Variants in GRM8 observed in about 807,000 individuals in gnomAD.
GRM8 encodes the protein metabotropic glutamate receptor 8.
Under a neutral mutation model 87.2 loss-of-function variants are expected in GRM8, and 47 were observed. That is an observed-to-expected ratio of 0.54 (90% confidence interval 0.43 to 0.69). The LOEUF (loss-of-function observed/expected upper bound fraction) is 0.69, where lower values mean the gene tolerates loss of function less well. Among genes scored for constraint, GRM8 ranks in the 30% least tolerant of loss-of-function variants. GRM8 has a pLI of 0.00. For synonymous variants in GRM8, 396 were observed against 404.5 expected (o/e 0.98, Z 0.25); for missense variants, 1,019 against 1,139.2 (o/e 0.89, Z 1.52).
At chr7:126,792,504 T>C (rs1371038773) in intron 6 of GRM8, among the ~76,000 whole-genome samples, 1 of 152,220 alleles carries the variant, frequency 6.6e-6, no homozygotes, top group Admixed American at 6.5e-5. Context: ...GAGGGCCCAC[T>C]GGCTTAAACT....
At chr7:126,877,020 T>A (rs566727764) in intron 6 of GRM8, among the ~76,000 whole-genome samples, 1 of 152,184 alleles carries the variant, frequency 6.6e-6, no homozygotes, top group East Asian at 1.9e-4. Flanking sequence ...TCACCTCTAC[T>A]ACTCAGGGCA....
intron 8 of GRM8, among the ~76,000 whole-genome samples, chr7:126,585,511 T>A (rs571487941): frequency 2.0e-4 from 31 of 152,142 alleles, no homozygotes; most frequent in East Asian, 1.4e-3. Context: ...ATTAGTTGCC[T>A]GAGTTTAAAA....
intron 7 of GRM8, among the ~76,000 whole-genome samples, chr7:126,721,696 A>G (rs1812408688): frequency 6.6e-6 from 1 of 152,050 alleles, no homozygotes; most frequent in South Asian, 2.1e-4. Context: ...GCTTTCATTT[A>G]ACAAATGTTA....
In GRM8 at chr7:126,985,877, G is replaced by A. The variant is rs979395306; in HGVS notation, c.728-81194C>T. ...TACTGGGGATTAAGTTTCAACATAA[G>A]TTTTGGAGGGGACATTTAAATCATA... On this transcript the variant is annotated intron_variant, in intron 3 of 10. Coordinates refer to ENST00000339582, the MANE Select transcript of GRM8 (RefSeq NM_000845.3). Among the ~76,000 whole-genome samples, 55 of 152,316 alleles carry A rather than the reference G, an allele frequency of 3.6e-4. 1 individual carries two copies. Among genetic ancestry groups the A allele is most frequent in the South Asian group, 4.1e-4 (2 of 4,828 alleles).
chr7:126,476,645 A>G (rs1190652543), intron 9 of GRM8, among the ~76,000 whole-genome samples: 2 of 152,110 alleles, frequency 1.3e-5, no homozygotes, highest in African/African-American at 4.8e-5. Context: ...ATGAAAAGAC[A>G]CTCAACAATA....
intron 3 of GRM8, among the ~76,000 whole-genome samples, chr7:126,920,572 G>A (rs1449093270): frequency 6.6e-6 from 1 of 152,126 alleles, no homozygotes; most frequent in Non-Finnish European, 1.5e-5. Context: ...CTGGAGTGGA[G>A]GTACCAGAGG....
chr7:126,568,825 A>G (rs1318157616), intron 8 of GRM8, among the ~76,000 whole-genome samples: 3 of 152,116 alleles, frequency 2.0e-5, no homozygotes, highest in Non-Finnish European at 4.4e-5. Flanking sequence ...CATTGTGACA[A>G]TTGTTTGTAG....
At chr7:126,838,165 T>G (rs1795965619) in intron 6 of GRM8, among the ~76,000 whole-genome samples, 1 of 152,216 alleles carries the variant, frequency 6.6e-6, no homozygotes, top group Non-Finnish European at 1.5e-5. Flanking sequence ...TATTTTTAGC[T>G]TATTCTAATT....
chr7:126,802,841 C>T (rs1822876262), intron 6 of GRM8, among the ~76,000 whole-genome samples: 2 of 152,132 alleles, frequency 1.3e-5, no homozygotes, highest in Admixed American at 6.5e-5. Flanking sequence ...GCACAAAGGT[C>T]AAAATGCACT....
intron 3 of GRM8, among the ~76,000 whole-genome samples, chr7:126,951,220 GC>G (rs1461227915): frequency 6.6e-6 from 1 of 152,090 alleles, no homozygotes; most frequent in East Asian, 1.9e-4. Flanking sequence ...ATACATAACT[GC>G]CCATTTGTAC....
intron 8 of GRM8, among the ~76,000 whole-genome samples, chr7:126,560,153 A>G (rs868204110): frequency 2.0e-5 from 3 of 152,212 alleles, no homozygotes; most frequent in African/African-American, 7.2e-5. Context: ...ACAGAATATT[A>G]AAATGTTGGG....
At chr7:127,049,286 T>A (rs1046805102) in intron 3 of GRM8, among the ~76,000 whole-genome samples, 1 of 152,160 alleles carries the variant, frequency 6.6e-6, no homozygotes, top group African/African-American at 2.4e-5. Flanking sequence ...TATGGAAGGA[T>A]TTACTAATGA....
chr7:126,523,038 A>G (rs940026538), intron 9 of GRM8, among the ~76,000 whole-genome samples: 6 of 152,254 alleles, frequency 3.9e-5, no homozygotes, highest in Non-Finnish European at 7.3e-5. Flanking sequence ...AATTGTGGCC[A>G]TTGAAAAGTA....
At chr7:126,851,638 G>T (rs538663942) in intron 6 of GRM8, among the ~76,000 whole-genome samples, 3 of 151,944 alleles carry the variant, frequency 2.0e-5, no homozygotes, top group African/African-American at 7.3e-5. Flanking sequence ...ACTGTTCAGG[G>T]CCTTTGCAAT....
intron 6 of GRM8, among the ~76,000 whole-genome samples, chr7:126,875,506 T>A (rs570535313): frequency 6.6e-6 from 1 of 152,284 alleles, no homozygotes; most frequent in East Asian, 1.9e-4. Context: ...ATTTAAGAAG[T>A]CACCATAGGT....
Position 126,941,669 on chromosome 7 carries a change from G to A in GRM8, c.728-36986C>T, listed in dbSNP as rs115208166. Among the ~76,000 whole-genome samples the A allele has an allele frequency of 1.0e-2, 1,514 of 151,402 alleles. 28 individuals are homozygous for A. The highest frequency in any genetic ancestry group is 0.034 in the African/African-American group (1,393 of 41,286). Reference sequence around the variant, plus strand: ...AAGTGTTTAATTAGCAGACAAGTTCGTGTCATTTTTTTAAATAGTTAACTT... The same window carrying A: ...AAGTGTTTAATTAGCAGACAAGTTCATGTCATTTTTTTAAATAGTTAACTT... On this transcript the variant is annotated intron_variant, in intron 3 of 10. Coordinates refer to ENST00000339582, the MANE Select transcript of GRM8 (RefSeq NM_000845.3).
rs190961440 is a variant in GRM8 at position 126,737,067 on chromosome 7, A to T, written c.1357+32798T>A. On this transcript the variant is annotated intron_variant, in intron 7 of 10. Coordinates refer to ENST00000339582, the MANE Select transcript of GRM8 (RefSeq NM_000845.3). The stretch of plus-strand genomic sequence containing the variant: ...AACCTCCTTCCTGCCTGGGGACTAG[A>T]CTGCCTTTGTAGGACTAACAAATTA... Among the ~76,000 whole-genome samples, 28 of 152,178 alleles carry T rather than the reference A, an allele frequency of 1.8e-4. 2 individuals are homozygous for T. The East Asian group carries it at 3.5e-3, about 19-fold the overall frequency.
intron 3 of GRM8, among the ~76,000 whole-genome samples, chr7:127,019,195 T>C (rs2132198052): frequency 6.6e-6 from 1 of 152,240 alleles, no homozygotes; most frequent in African/African-American, 2.4e-5. Context: ...TTACCTTATT[T>C]AGGATAAGGC....
chr7:126,775,496 T>TGTTTGTTTG (rs1563176418), intron 6 of GRM8, among the ~76,000 whole-genome samples: 1 of 149,866 alleles, frequency 6.7e-6, no homozygotes, highest in African/African-American at 2.5e-5. Context: ...TTTTTTTTTT[T>TGTTTGTTTG]TTTTTTTTTT....
Sources: gnomAD v4.1 joint callset for allele counts (sites outside exome capture counted in the v4.1 genomes callset) on GRCh38, gnomAD v4.1.1 for gene constraint, MANE v1.5 for transcripts, NCBI Gene and HGNC (gene_info 2026-07-23, HGNC 2026-07-21) for gene names.